Variants in ROBO2 observed in about 807,000 individuals in gnomAD.
The protein encoded by ROBO2 is roundabout homolog 2.
In ROBO2, 53 loss-of-function variants were observed where a neutral mutation model predicts 160.8. The ratio of observed to expected loss-of-function variants is 0.33; its 90% CI spans 0.26 to 0.41. ROBO2 has a LOEUF of 0.41. ROBO2 is among the 10% of genes least tolerant of loss of function. ROBO2 has a pLI of 1.00. For synonymous variants in ROBO2, 664 were observed against 611.7 expected (o/e 1.09, Z -1.26); for missense variants, 1,577 against 1,722.4 (o/e 0.92, Z 1.49).
chr3:76,654,574 A>G (rs1290411008), intron 2 of ROBO2, among the ~76,000 whole-genome samples: 1 of 152,086 alleles, frequency 6.6e-6, no homozygotes, highest in Non-Finnish European at 1.5e-5. Context: ...AACAGAGATT[A>G]ACTGACCACC....
intron 5 of ROBO2, among the ~76,000 whole-genome samples, chr3:77,511,078 G>T: frequency 6.6e-6 from 1 of 151,966 alleles, no homozygotes; most frequent in Non-Finnish European, 1.5e-5. Context: ...TATTTTAGAG[G>T]AGATGAAACT....
intron 2 of ROBO2, among the ~76,000 whole-genome samples, chr3:76,429,166 G>GCACACA (rs371649400): frequency 2.5e-4 from 37 of 149,130 alleles, no homozygotes; most frequent in Non-Finnish European, 4.8e-4. Flanking sequence ...ACCAGTGGGC[G>GCACACA]CACACACACA....
At chr3:77,410,742 T>TC (rs2076724029) in intron 2 of ROBO2, among the ~76,000 whole-genome samples, 1 of 78,402 alleles carries the variant, frequency 1.3e-5, no homozygotes, top group Non-Finnish European at 2.7e-5. Context: ...TTCCTCCTCC[T>TC]TTTCCTCCTC....
At chr3:76,462,127 T>A (rs2106807325) in intron 2 of ROBO2, among the ~76,000 whole-genome samples, 1 of 152,320 alleles carries the variant, frequency 6.6e-6, no homozygotes, top group South Asian at 2.1e-4. Flanking sequence ...CCTGGCTGAA[T>A]CCACTTGGAA....
At chr3:76,087,859 T>C (rs2069076712) in intron 2 of ROBO2, among the ~76,000 whole-genome samples, 3 of 152,054 alleles carry the variant, frequency 2.0e-5, no homozygotes, top group South Asian at 4.1e-4. Flanking sequence ...TAAAGGTATA[T>C]TGCAACCTGT....
At chr3:77,467,652 A>G (rs1291300254) in intron 2 of ROBO2, among the ~76,000 whole-genome samples, 1 of 151,838 alleles carries the variant, frequency 6.6e-6, no homozygotes. Flanking sequence ...CTATTTATAT[A>G]TCTATACCCA....
chr3:76,832,607 C>T lies in ROBO2; in HGVS notation c.110-265407C>T, dbSNP rs191144137. 4.6e-5 allele frequency among the ~76,000 whole-genome samples: 7 copies of T among 152,054 alleles called. 1 individual carries two copies. Among genetic ancestry groups the T allele is most frequent in the South Asian group, 4.2e-4 (2 of 4,818 alleles). On this transcript the variant is annotated intron_variant, in intron 2 of 26. Coordinates refer to the ROBO2 transcript ENST00000487694. ...AGAATTAGGTGGGCACTGAGATGAC[C>T]GCTGAAGGGTGGTATAATTTAGATA...
chr3:76,154,344 C>T (rs951343142), intron 2 of ROBO2, among the ~76,000 whole-genome samples: 1 of 152,000 alleles, frequency 6.6e-6, no homozygotes, highest in Admixed American at 6.6e-5. Context: ...GCCATGAAGG[C>T]ATTTGTGGGA....
chr3:76,357,157 C>A (rs1006869822), intron 2 of ROBO2, among the ~76,000 whole-genome samples: 11 of 151,816 alleles, frequency 7.2e-5, no homozygotes, highest in African/African-American at 2.4e-4. Flanking sequence ...TACTACACAG[C>A]TGTTTAAAAA....
intron 2 of ROBO2, among the ~76,000 whole-genome samples, chr3:76,178,392 G>A (rs770797127): frequency 2.6e-5 from 4 of 152,098 alleles, no homozygotes; most frequent in African/African-American, 7.2e-5. Context: ...AAGGAGAGGC[G>A]ATAAGAAGAC....
intron 2 of ROBO2, among the ~76,000 whole-genome samples, chr3:77,293,423 T>G (rs2061570481): frequency 6.9e-6 from 1 of 144,442 alleles, no homozygotes; most frequent in Non-Finnish European, 1.5e-5. Flanking sequence ...GTTAAACGGG[T>G]AAGCTGAGGC....
chr3:77,201,076 G>A (rs62251827), intron 2 of ROBO2, among the ~76,000 whole-genome samples: 5,175 of 152,288 alleles, frequency 0.034, 110 homozygotes, highest in Middle Eastern at 0.058. Context: ...CCTAACTAGT[G>A]AAGCTATATG....
At chr3:77,064,277 G>GA in intron 1 of ROBO2, among the ~76,000 whole-genome samples, 1 of 150,740 alleles carries the variant, frequency 6.6e-6, no homozygotes, top group East Asian at 1.9e-4. Flanking sequence ...TCAAGCAAAG[G>GA]AAAAAATGAG....
rs1560269949 is a variant in ROBO2, at chr3:77,219,511, A to ATATC, written c.388+121173_388+121176dup. Among the ~76,000 whole-genome samples the ATATC allele has an allele frequency of 1.1e-4, 16 of 142,274 alleles. No homozygotes were observed. In the South Asian group the frequency reaches 2.7e-3, roughly 24 times the overall value. 93.3% of individuals were successfully genotyped at this position (142,274 alleles called of 152,430 possible). A position where few individuals can be genotyped will look rare whatever the true frequency, so the allele number is the denominator to read the frequency against. On this transcript the variant is annotated intron_variant, in intron 2 of 25. Transcript: ENST00000461745. ...TCTGTATATATATATATATATATAT[A>ATATC]TATCTGTGTGTGTGTATATATATAT...
chr3:76,981,953 A>T (rs1187150715), intron 2 of ROBO2, among the ~76,000 whole-genome samples: 2 of 152,194 alleles, frequency 1.3e-5, no homozygotes, highest in Non-Finnish European at 2.9e-5. Context: ...ATGCACCCCC[A>T]TCATTCAGAA....
intron 2 of ROBO2, among the ~76,000 whole-genome samples, chr3:77,249,623 CT>C (rs869095436): frequency 7.7e-6 from 1 of 129,350 alleles, no homozygotes; most frequent in South Asian, 2.3e-4. Flanking sequence ...GAAGTTACAA[CT>C]TTTTTTTTAT....
intron 2 of ROBO2, among the ~76,000 whole-genome samples, chr3:76,039,142 A>C (rs1043696194): frequency 9.9e-5 from 15 of 152,008 alleles, no homozygotes; most frequent in African/African-American, 3.6e-4. Flanking sequence ...TGGCCATAGT[A>C]AAGACTGGCA....
intron 2 of ROBO2, among the ~76,000 whole-genome samples, chr3:77,356,874 T>C (rs557531766): frequency 7.2e-5 from 11 of 152,126 alleles, no homozygotes; most frequent in African/African-American, 2.4e-4. Flanking sequence ...TGTTTCCTGA[T>C]GGTTTGAAGT....
intron 2 of ROBO2, among the ~76,000 whole-genome samples, chr3:76,970,597 G>T (rs2059527060): frequency 6.6e-6 from 1 of 152,134 alleles, no homozygotes; most frequent in African/African-American, 2.4e-5. Context: ...GGACAGAAGA[G>T]TCTTTCCAGG....
Sources: gnomAD v4.1 joint callset for allele counts (sites outside exome capture counted in the v4.1 genomes callset) on GRCh38, gnomAD v4.1.1 for gene constraint, MANE v1.5 for transcripts, NCBI Gene and HGNC (gene_info 2026-07-23, HGNC 2026-07-21) for gene names.